Variants in MAGI1 observed in about 807,000 individuals in gnomAD.
MAGI1 encodes the protein membrane associated guanylate kinase, WW and PDZ domain containing 1.
Under a neutral mutation model 139.9 loss-of-function variants are expected in MAGI1, and 58 were observed. The ratio of observed to expected loss-of-function variants is 0.41; its 90% CI spans 0.34 to 0.52. The LOEUF is 0.52. MAGI1 is among the 20% of genes least tolerant of loss of function. The pLI is 0.12. For missense variants in MAGI1, 1,874 were observed against 1,901.6 expected, an observed-to-expected ratio of 0.99 and a Z score of 0.27; for synonymous variants, 812 against 737.9, an observed-to-expected ratio of 1.10 and a Z score of -1.63.
In MAGI1 at chr3:65,691,194, A is replaced by G. The variant is rs552220089; in HGVS notation, c.314-69106T>C. Reference sequence around the variant, plus strand: ...GGCGGGCGCCTGTAGTCCCAGCTACATGGGAGGCTGAGGCAGGAGAATGGT... The same window carrying G: ...GGCGGGCGCCTGTAGTCCCAGCTACGTGGGAGGCTGAGGCAGGAGAATGGT... On this transcript the variant is annotated intron_variant, in intron 1 of 22. Transcript: ENST00000402939. Among the ~76,000 whole-genome samples, 172 of 151,390 alleles carry G rather than the reference A, an allele frequency of 1.1e-3. 1 individual carries two copies. Among genetic ancestry groups the G allele is most frequent in the African/African-American group, 4.0e-3 (165 of 41,318 alleles).
intron 1 of MAGI1, among the ~76,000 whole-genome samples, chr3:65,807,812 C>CTCAAGATAGATACCAGTA (rs1187104110): frequency 6.6e-6 from 1 of 152,160 alleles, no homozygotes; most frequent in Non-Finnish European, 1.5e-5. Context: ...AGAGCAACCT[C>CTCAAGATAGATACCAGTA]TCAAGATAGA....
intron 12 of MAGI1, among the ~76,000 whole-genome samples, chr3:65,404,697 T>C (rs554626853): frequency 6.6e-6 from 1 of 152,308 alleles, no homozygotes; most frequent in Admixed American, 6.5e-5. Flanking sequence ...TCAGATGGAT[T>C]GAAAACAGCT....
At chr3:65,434,770 T>C (rs1458076848) in intron 10 of MAGI1, among the ~76,000 whole-genome samples, 1 of 152,170 alleles carries the variant, frequency 6.6e-6, no homozygotes, top group Admixed American at 6.6e-5. Flanking sequence ...ATCAGTTATA[T>C]TCCAAAGATT....
At chr3:65,458,640 C>T (rs1949563729) in intron 5 of MAGI1, among the ~76,000 whole-genome samples, 1 of 152,090 alleles carries the variant, frequency 6.6e-6, no homozygotes, top group African/African-American at 2.4e-5. Context: ...ATCTTTCCCC[C>T]ATTTTTCAAT....
intron 2 of MAGI1, among the ~76,000 whole-genome samples, chr3:65,532,486 TTACATTC>T (rs1375702355): frequency 1.2e-4 from 19 of 152,310 alleles, no homozygotes; most frequent in African/African-American, 3.8e-4. Flanking sequence ...AACCAAACAA[TTACATTC>T]TATCAATGGG....
chr3:65,861,804 T>C (rs2059565651), intron 1 of MAGI1, among the ~76,000 whole-genome samples: 1 of 152,124 alleles, frequency 6.6e-6, no homozygotes, highest in Non-Finnish European at 1.5e-5. Context: ...CCGTCTAAAA[T>C]GTGGATCTAA....
intron 11 of MAGI1, 24 bp from the exon 12 acceptor site, chr3:65,430,164 G>T (rs1255379320): frequency 2.5e-6 from 4 of 1,604,542 alleles, no homozygotes; most frequent in Non-Finnish European, 3.4e-6. Context: ...GAGTGTGGGG[G>T]TTAAGAAAAC....
At chr3:65,720,046 G>T (rs2032817324) in intron 1 of MAGI1, 1 of 152,144 alleles carries the variant, frequency 6.6e-6, no homozygotes, top group Non-Finnish European at 1.5e-5. Context: ...TGTTTTAAAT[G>T]GAGTCTTTGG....
At chr3:65,999,838 C>T (rs1166914037) in intron 1 of MAGI1, among the ~76,000 whole-genome samples, 2 of 151,910 alleles carry the variant, frequency 1.3e-5, no homozygotes, top group African/African-American at 2.4e-5. Flanking sequence ...TATCTGCCCC[C>T]GAGAGAGCCA....
chr3:65,862,889 T>C (rs1258473583), intron 1 of MAGI1, among the ~76,000 whole-genome samples: 5 of 152,334 alleles, frequency 3.3e-5, no homozygotes, highest in East Asian at 1.9e-4. Context: ...TTCTCTGTTA[T>C]GGCAGCTAAC....
intron 6 of MAGI1, among the ~76,000 whole-genome samples, chr3:65,450,465 A>G (rs954227649): frequency 1.3e-5 from 2 of 152,178 alleles, no homozygotes; most frequent in Admixed American, 6.5e-5. Context: ...GAAAAGTGAC[A>G]TATCAAGGGG....
rs144703779 is a variant in MAGI1, at chr3:65,902,762, C to T, written c.313+135234G>A. 3.6e-3 allele frequency: 557 copies of T among 152,900 alleles called. 2 individuals carry two copies. The highest frequency in any genetic ancestry group is 5.6e-3 in the Admixed American group (85 of 15,292). 9.5% of individuals were successfully genotyped at this position (152,900 alleles called of 1,614,324 possible). A position where few individuals can be genotyped will look rare whatever the true frequency, so the allele number is the denominator to read the frequency against. On this transcript the variant is annotated intron_variant, in intron 1 of 22. Transcript: ENST00000402939. The stretch of plus-strand genomic sequence containing the variant: ...GGGAGCAGCACTAGGGCAGGACACA[C>T]GCCATTACCTCCAGCTTGGGAATCA...
At chr3:65,881,572 A>C (rs1318216197) in intron 1 of MAGI1, among the ~76,000 whole-genome samples, 2 of 152,002 alleles carry the variant, frequency 1.3e-5, no homozygotes. Flanking sequence ...GGCTGTAGTG[A>C]GCCATGATCT....
intron 1 of MAGI1, among the ~76,000 whole-genome samples, chr3:65,749,411 T>C (rs2035960724): frequency 6.6e-6 from 1 of 152,106 alleles, no homozygotes; most frequent in South Asian, 2.1e-4. Context: ...CTAAGTGAAG[T>C]GACTCAGGAA....
chr3:66,008,775 G>A (rs1428532480), intron 1 of MAGI1: 2 of 151,884 alleles, frequency 1.3e-5, no homozygotes, highest in African/African-American at 4.8e-5. Context: ...CCACATTACA[G>A]GAACGACAAG....
chr3:65,685,169 T>G (rs574732041), intron 1 of MAGI1, among the ~76,000 whole-genome samples: 2 of 152,122 alleles, frequency 1.3e-5, no homozygotes, highest in African/African-American at 4.8e-5. Context: ...ATCTCAAAAT[T>G]TTCCATTAAT....
intron 1 of MAGI1, among the ~76,000 whole-genome samples, chr3:65,842,653 G>C (rs762740325): frequency 6.6e-6 from 1 of 152,094 alleles, no homozygotes; most frequent in Admixed American, 6.6e-5. Context: ...GAGCCACTGC[G>C]CCCAGCCATA....
rs1020823623 is a variant in MAGI1 at position 65,470,919 on chromosome 3, A to G, written c.758-435T>C. Among the ~76,000 whole-genome samples, 28 of 152,268 alleles carry G rather than the reference A, an allele frequency of 1.8e-4. 1 individual carries two copies. On this transcript the variant is annotated intron_variant, in intron 4 of 22. Transcript: ENST00000402939. Reference sequence around the variant, plus strand: ...GTATCCAGGGTGAAAACACAGACACAGTGGCATTACTGTCCACTCTTGTAT... The same window carrying G: ...GTATCCAGGGTGAAAACACAGACACGGTGGCATTACTGTCCACTCTTGTAT...
intron 1 of MAGI1, among the ~76,000 whole-genome samples, chr3:65,624,751 T>C (rs2107093641): frequency 6.6e-6 from 1 of 152,354 alleles, no homozygotes; most frequent in African/African-American, 2.4e-5. Flanking sequence ...CTTCTATACA[T>C]GGAGGATTCT....
Sources: allele counts gnomAD v4.1 joint callset (sites outside exome capture counted in the v4.1 genomes callset), GRCh38; gene constraint gnomAD v4.1.1; transcripts MANE v1.5; gene names NCBI Gene and HGNC (gene_info 2026-07-23, HGNC 2026-07-21).